The following TRAM2 variants were observed in gnomAD, a reference collection of about 807,000 sequenced individuals.
TRAM2 encodes translocation associated membrane protein 2, also known as translocating chain-associated membrane protein 2.
Under a neutral mutation model 51.0 loss-of-function variants are expected in TRAM2, and 12 were observed. That is an observed-to-expected ratio of 0.24 (90% confidence interval 0.15 to 0.38). TRAM2 has a LOEUF of 0.38. Among genes scored for constraint, TRAM2 ranks in the 10% least tolerant of loss-of-function variants. TRAM2 has a pLI of 1.00. For missense variants in TRAM2, 361 were observed against 462.0 expected, an observed-to-expected ratio of 0.78 and a Z score of 2.00; for synonymous variants, 175 against 179.4, an observed-to-expected ratio of 0.98 and a Z score of 0.20.
At chr6:52,543,403 T>A (rs1028386331) in intron 1 of TRAM2, among the ~76,000 whole-genome samples, 1 of 152,264 alleles carries the variant, frequency 6.6e-6, no homozygotes, top group African/African-American at 2.4e-5. Context: ...TTCTCCTGCA[T>A]CATGGGGCAG....
chr6:52,541,226 T>G (rs1312054537), intron 1 of TRAM2, among the ~76,000 whole-genome samples: 2 of 152,188 alleles, frequency 1.3e-5, no homozygotes, highest in Non-Finnish European at 2.9e-5. Context: ...TACTCATCTA[T>G]TAATAACGAC....
intron 1 of TRAM2, among the ~76,000 whole-genome samples, chr6:52,547,141 T>C (rs2114094441): frequency 6.6e-6 from 1 of 151,898 alleles, no homozygotes; most frequent in South Asian, 2.1e-4. Flanking sequence ...GCTCGGGAGC[T>C]AGAGAGGAGT....
At chr6:52,562,561 G>T (rs1250899925) in intron 1 of TRAM2, among the ~76,000 whole-genome samples, 3 of 152,056 alleles carry the variant, frequency 2.0e-5, no homozygotes, top group African/African-American at 4.8e-5. Context: ...TAGATGCTGA[G>T]AATTTTTTTA....
At chr6:52,527,224 A>G (rs1766797796) in intron 2 of TRAM2, among the ~76,000 whole-genome samples, 1 of 151,826 alleles carries the variant, frequency 6.6e-6, no homozygotes, top group Non-Finnish European at 1.5e-5. Context: ...CTAACAATAC[A>G]AAAATTAGCC....
At chr6:52,518,000 C>T (rs1766583348) in intron 2 of TRAM2, among the ~76,000 whole-genome samples, 1 of 152,194 alleles carries the variant, frequency 6.6e-6, no homozygotes, top group Non-Finnish European at 1.5e-5. Context: ...AAGACCTATT[C>T]TGTGAGAGGC....
intron 1 of TRAM2, among the ~76,000 whole-genome samples, chr6:52,542,687 T>C (rs531260209): frequency 6.6e-6 from 1 of 152,272 alleles, no homozygotes; most frequent in East Asian, 1.9e-4. Context: ...CTATTAACAG[T>C]TTTGATAGCA....
chr6:52,572,740 C>A lies in TRAM2; in HGVS notation c.120+4056G>T, dbSNP rs150827177. Among the ~76,000 whole-genome samples the A allele has an allele frequency of 4.9e-3, 746 of 152,254 alleles. 9 individuals are homozygous for A. The highest frequency in any genetic ancestry group is 0.017 in the African/African-American group (702 of 41,522). On this transcript the variant is annotated intron_variant, in intron 1 of 10. Coordinates refer to ENST00000182527, the MANE Select transcript of TRAM2 (RefSeq NM_012288.4). ...CGCAGCCACATTTCAGGTTATGATG[C>A]CTACAGGTATGTCTGGGAGGATATG...
chr6:52,503,297 C>T (rs778386754), intron 10 of TRAM2, 27 bp from the exon 11 acceptor site: 4 of 1,602,882 alleles, frequency 2.5e-6, no homozygotes, highest in East Asian at 2.2e-5. Flanking sequence ...GACAAGCATA[C>T]ATGGTGTTTC....
chr6:52,568,106 G>C (rs1767618607), intron 1 of TRAM2, among the ~76,000 whole-genome samples: 1 of 152,152 alleles, frequency 6.6e-6, no homozygotes, highest in Non-Finnish European at 1.5e-5. Context: ...GCCTTGCATG[G>C]GCCACAAGGC....
chr6:52,520,654 GAA>G (rs74650766), intron 2 of TRAM2, among the ~76,000 whole-genome samples: 3,321 of 152,220 alleles, frequency 0.022, 41 homozygotes, highest in Admixed American at 0.035. Context: ...AGTGAATGAG[GAA>G]AGAGTTCACA....
At chr6:52,541,461 G>A (rs988540775) in intron 1 of TRAM2, among the ~76,000 whole-genome samples, 1 of 152,222 alleles carries the variant, frequency 6.6e-6, no homozygotes, top group South Asian at 2.1e-4. Flanking sequence ...AACTTTACCT[G>A]ATTCTACTTA....
intron 1 of TRAM2, among the ~76,000 whole-genome samples, chr6:52,572,190 T>C (rs928453631): frequency 1.6e-4 from 24 of 152,232 alleles, no homozygotes; most frequent in African/African-American, 4.3e-4. Context: ...CCTCCTTGGT[T>C]TCCTCTGTCT....
chr6:52,497,523 G>T lies in TRAM2; in HGVS notation c.*5674C>A, dbSNP rs1214838907. On this transcript the variant is annotated 3_prime_UTR_variant, in exon 11 of 11. Transcript: ENST00000182527. ...GTTTTAAAACCAGACAGAAACAGTGGAAAAATGATTTTGAAAAAAAGTTCA... is the reference window on the plus strand; with the variant it reads ...GTTTTAAAACCAGACAGAAACAGTGTAAAAATGATTTTGAAAAAAAGTTCA... The T allele has an allele frequency of 6.6e-6, 1 of 152,472 alleles. No homozygotes were observed. The highest frequency in any genetic ancestry group is 1.5e-5 in the Non-Finnish European group (1 of 68,012). The allele number at this position is 152,472 out of a possible 1,614,324, so 9.4% of individuals were successfully genotyped here.
rs1421094928 is a variant in TRAM2 at position 52,500,275 on chromosome 6, G to C, written c.*2922C>G. 1 of 152,180 alleles carries C rather than the reference G, an allele frequency of 6.6e-6. No individual in the cohort carries two copies. Among genetic ancestry groups the C allele is most frequent in the African/African-American group, 2.4e-5 (1 of 41,420 alleles). The allele number at this position is 152,180 out of a possible 1,614,324, so 9.4% of individuals were successfully genotyped here. ...CATAAAACTGAAGAAAACAGCCAAA[G>C]TGGCCAAAATTAGAACAAGCTAGCC... On this transcript the variant is annotated 3_prime_UTR_variant, in exon 11 of 11. Transcript: ENST00000182527.
chr6:52,576,062 A>G (rs1276247284), intron 1 of TRAM2, among the ~76,000 whole-genome samples: 1 of 152,098 alleles, frequency 6.6e-6, no homozygotes, highest in Non-Finnish European at 1.5e-5. Flanking sequence ...CTATAAGAGA[A>G]TCAACTTTCC....
At chr6:52,564,367 A>G (rs1291279970) in intron 1 of TRAM2, among the ~76,000 whole-genome samples, 1 of 152,122 alleles carries the variant, frequency 6.6e-6, no homozygotes, top group Non-Finnish European at 1.5e-5. Context: ...CCATGGCCAG[A>G]ACCCTGCCTG....
At chr6:52,507,112 G>A (rs1766363913) in intron 7 of TRAM2, among the ~76,000 whole-genome samples, 2 of 152,168 alleles carry the variant, frequency 1.3e-5, no homozygotes, top group African/African-American at 2.4e-5. Flanking sequence ...TACTCTCCAT[G>A]TCATTATAAA....
intron 1 of TRAM2, 74 bp from the exon 2 acceptor site, chr6:52,535,920 GC>G: frequency 7.6e-7 from 1 of 1,307,360 alleles, no homozygotes; most frequent in Non-Finnish European, 1.1e-6. Flanking sequence ...GCTGCTAACC[GC>G]CCCTTTTACA....
In TRAM2 at chr6:52,577,005, C is replaced by T; in HGVS notation, c.-90G>A. 7 of 1,311,016 alleles carry T rather than the reference C, an allele frequency of 5.3e-6. No homozygotes were observed. Among genetic ancestry groups the T allele is most frequent in the Non-Finnish European group, 5.8e-6 (6 of 1,033,120 alleles). 81.2% of individuals were successfully genotyped at this position (1,311,016 alleles called of 1,614,324 possible). A position where few individuals can be genotyped will look rare whatever the true frequency, so the allele number is the denominator to read the frequency against. On this transcript the variant is annotated 5_prime_UTR_variant, in exon 1 of 11. Coordinates refer to ENST00000182527, the MANE Select transcript of TRAM2 (RefSeq NM_012288.4). ...CTCCAGCACCGGCCCGGTCCGCCCG[C>T]CGGCCCGCCGCCCGCTCTCCCACAG...
Sources: allele counts gnomAD v4.1 joint callset (sites outside exome capture counted in the v4.1 genomes callset), GRCh38; gene constraint gnomAD v4.1.1; transcripts MANE v1.5; gene names NCBI Gene and HGNC (gene_info 2026-07-23, HGNC 2026-07-21).